The following NELL2 variants were observed in gnomAD, a reference collection of about 807,000 sequenced individuals.
NELL2 encodes protein kinase C-binding protein NELL2.
A neutral mutation model predicts 109.6 loss-of-function variants in NELL2; 41 were observed. The observed-to-expected ratio is 0.37, with a 90% CI of 0.29 to 0.49. NELL2 has a LOEUF of 0.49. Among genes scored for constraint, NELL2 ranks in the 20% least tolerant of loss-of-function variants. The pLI is 0.98. For synonymous variants in NELL2, 355 were observed against 344.7 expected, an observed-to-expected ratio of 1.03 and a Z score of -0.33; for missense variants, 900 against 1,008.3, an observed-to-expected ratio of 0.89 and a Z score of 1.45.
At chr12:44,806,583 T>G (rs990922250) in intron 3 of NELL2, among the ~76,000 whole-genome samples, 1 of 151,854 alleles carries the variant, frequency 6.6e-6, no homozygotes, top group East Asian at 1.9e-4. Flanking sequence ...ACACAGTGCA[T>G]ATAGAAAATA....
At chr12:44,708,853 G>GTA (rs1938034777) in intron 11 of NELL2, among the ~76,000 whole-genome samples, 3 of 152,198 alleles carry the variant, frequency 2.0e-5, no homozygotes, top group South Asian at 4.1e-4. Flanking sequence ...ATTAGTCATG[G>GTA]TATAGTCTAT....
intron 12 of NELL2, among the ~76,000 whole-genome samples, chr12:44,679,398 C>T (rs1806566594): frequency 6.6e-6 from 1 of 152,164 alleles, no homozygotes; most frequent in African/African-American, 2.4e-5. Context: ...CTGGGATGCA[C>T]AGTAGAATTA....
chr12:44,673,738 C>T (rs1291901882), intron 12 of NELL2, among the ~76,000 whole-genome samples: 4 of 152,158 alleles, frequency 2.6e-5, no homozygotes, highest in African/African-American at 9.7e-5. Flanking sequence ...AGTTAGCTGC[C>T]TTCTATATTT....
intron 9 of NELL2, among the ~76,000 whole-genome samples, chr12:44,716,789 G>T (rs1416390326): frequency 6.6e-6 from 1 of 151,868 alleles, no homozygotes; most frequent in Non-Finnish European, 1.5e-5. Context: ...GAAAAACAAT[G>T]GTGCTCTAAA....
In NELL2 at chr12:44,720,885, T is replaced by G. The variant is rs187600900; in HGVS notation, c.995-6144A>C. Among the ~76,000 whole-genome samples the G allele has an allele frequency of 4.6e-5, 7 of 152,280 alleles. No individual in the cohort carries two copies. In the East Asian group the frequency reaches 1.4e-3, roughly 29 times the overall value. On this transcript the variant is annotated intron_variant, in intron 9 of 19. Coordinates refer to ENST00000429094, the MANE Select transcript of NELL2 (RefSeq NM_001145108.2). ...TCCTTGGGCTTCTAAAGGACCAAAG[T>G]GTGCTTCCCATAGGTGGCCTTAATT...
chr12:44,844,726 T>A (rs530165727), intron 2 of NELL2, among the ~76,000 whole-genome samples: 6 of 152,258 alleles, frequency 3.9e-5, no homozygotes, highest in Admixed American at 1.3e-4. Flanking sequence ...CAAATATAAG[T>A]ACATAAAATT....
At chr12:44,725,384 A>ATGAT (rs748925040) in intron 9 of NELL2, among the ~76,000 whole-genome samples, 31 of 152,148 alleles carry the variant, frequency 2.0e-4, no homozygotes, top group Non-Finnish European at 3.1e-4. Flanking sequence ...AGAAAAGGGA[A>ATGAT]TGATTATACG....
At chr12:44,586,542 T>C (rs1944513420) in intron 15 of NELL2, among the ~76,000 whole-genome samples, 3 of 152,128 alleles carry the variant, frequency 2.0e-5, no homozygotes. Flanking sequence ...CCCACATTTC[T>C]GCTAAGGTAT....
At chr12:44,704,845 C>T (rs1937767790) in intron 11 of NELL2, among the ~76,000 whole-genome samples, 1 of 151,674 alleles carries the variant, frequency 6.6e-6, no homozygotes, top group Non-Finnish European at 1.5e-5. Flanking sequence ...ATGGTGAAAC[C>T]CCGTCTGTAC....
intron 15 of NELL2, among the ~76,000 whole-genome samples, chr12:44,596,855 T>C (rs1944985906): frequency 6.6e-6 from 1 of 152,202 alleles, no homozygotes; most frequent in Admixed American, 6.5e-5. Context: ...CAGAGAGCCA[T>C]CCTCCAAGCC....
At chr12:44,712,274 A>T (rs1403408989) in intron 10 of NELL2, among the ~76,000 whole-genome samples, 1 of 152,048 alleles carries the variant, frequency 6.6e-6, no homozygotes, top group Non-Finnish European at 1.5e-5. Flanking sequence ...CTTTCATAGA[A>T]GAAGTGCACA....
intron 13 of NELL2, among the ~76,000 whole-genome samples, chr12:44,625,314 A>G (rs1946214690): frequency 6.6e-6 from 1 of 151,936 alleles, no homozygotes; most frequent in African/African-American, 2.4e-5. Flanking sequence ...TTATACCCTT[A>G]TTAACATAAC....
intron 9 of NELL2, among the ~76,000 whole-genome samples, chr12:44,721,766 A>C (rs967353362): frequency 2.0e-5 from 3 of 150,208 alleles, no homozygotes; most frequent in Non-Finnish European, 4.4e-5. Flanking sequence ...AAGAGATTAC[A>C]AGTAAAAAAA....
intron 1 of NELL2, among the ~76,000 whole-genome samples, chr12:44,920,259 AGAT>A (rs1485412690): frequency 7.2e-5 from 11 of 152,192 alleles, no homozygotes; most frequent in African/African-American, 2.7e-4. Context: ...TAGATAAAGA[AGAT>A]AATGAGATAT....
At chr12:44,902,910 G>C (rs371630592) in intron 1 of NELL2, among the ~76,000 whole-genome samples, 1 of 152,150 alleles carries the variant, frequency 6.6e-6, no homozygotes, top group Non-Finnish European at 1.5e-5. Context: ...ACTCTGGATG[G>C]ATTAAAGATT....
At chr12:44,855,403 A>G (rs1944654622) in intron 2 of NELL2, among the ~76,000 whole-genome samples, 1 of 152,232 alleles carries the variant, frequency 6.6e-6, no homozygotes, top group African/African-American at 2.4e-5. Flanking sequence ...GCTCTAGAAT[A>G]ACACAAAATC....
chr12:44,858,238 T>C (rs1360867367), intron 2 of NELL2, among the ~76,000 whole-genome samples: 1 of 152,138 alleles, frequency 6.6e-6, no homozygotes, highest in Non-Finnish European at 1.5e-5. Flanking sequence ...GAGATGAAGA[T>C]GTCTAGCTCC....
intron 2 of NELL2, among the ~76,000 whole-genome samples, chr12:44,864,935 G>A (rs951989113): frequency 6.7e-6 from 1 of 148,818 alleles, no homozygotes; most frequent in Non-Finnish European, 1.5e-5. Context: ...GATCCCTGAG[G>A]AATCGCCACA....
At chr12:44,725,421 A>G (rs552102354) in intron 9 of NELL2, among the ~76,000 whole-genome samples, 1 of 152,296 alleles carries the variant, frequency 6.6e-6, no homozygotes, top group East Asian at 1.9e-4. Flanking sequence ...AAATTAGTTC[A>G]GCCATTGTGG....
Sources: gnomAD v4.1 joint callset for allele counts (sites outside exome capture counted in the v4.1 genomes callset) on GRCh38, gnomAD v4.1.1 for gene constraint, MANE v1.5 for transcripts, NCBI Gene and HGNC (gene_info 2026-07-23, HGNC 2026-07-21) for gene names.